The following AFF3 variants were observed in gnomAD, a reference collection of about 807,000 sequenced individuals.
AFF3 encodes ALF transcription elongation factor 3.
AFF3 carries 32 observed loss-of-function variants against 129.7 expected under a neutral mutation model. The observed-to-expected ratio is 0.25, with a 90% confidence interval of 0.19 to 0.33. The LOEUF is 0.33. Among genes scored for constraint, AFF3 ranks in the 10% least tolerant of loss-of-function variants. The pLI is 1.00. For missense variants in AFF3, 1,373 were observed against 1,592.0 expected (o/e 0.86, Z 2.34); for synonymous variants, 644 against 635.4 (o/e 1.01, Z -0.20).
chr2:99,956,174 A>G (rs935338552), intron 7 of AFF3, among the ~76,000 whole-genome samples: 12 of 152,028 alleles, frequency 7.9e-5, no homozygotes, highest in African/African-American at 2.7e-4. Context: ...TTTTAGTCCA[A>G]AGATACCCCT....
At chr2:99,994,597 C>T (rs1680662704) in intron 7 of AFF3, among the ~76,000 whole-genome samples, 3 of 151,980 alleles carry the variant, frequency 2.0e-5, no homozygotes, top group African/African-American at 7.3e-5. Flanking sequence ...AGATTATTAT[C>T]ATTTTTTAAT....
chr2:99,797,125 A>G (rs1558860061), intron 8 of AFF3, among the ~76,000 whole-genome samples: 1 of 152,208 alleles, frequency 6.6e-6, no homozygotes, highest in Non-Finnish European at 1.5e-5. Context: ...AGTGCAACCC[A>G]TAGTGAGAAA....
chr2:99,871,878 T>C (rs987254673), intron 7 of AFF3, among the ~76,000 whole-genome samples: 1 of 152,066 alleles, frequency 6.6e-6, no homozygotes, highest in Non-Finnish European at 1.5e-5. Context: ...AATTTGTACA[T>C]GCATCCTGCC....
At chr2:100,040,411 AC>A (rs1416396663) in intron 4 of AFF3, among the ~76,000 whole-genome samples, 1 of 152,208 alleles carries the variant, frequency 6.6e-6, no homozygotes, top group East Asian at 1.9e-4. Context: ...TGGCCAATAT[AC>A]ATCATTGAGT....
intron 8 of AFF3, among the ~76,000 whole-genome samples, chr2:99,757,573 T>C (rs567706418): frequency 2.0e-4 from 31 of 152,330 alleles, no homozygotes; most frequent in African/African-American, 6.7e-4. Context: ...TCTTACTTTA[T>C]AGATGAGGAA....
intron 13 of AFF3, among the ~76,000 whole-genome samples, chr2:99,628,130 A>G (rs1341141736): frequency 1.3e-5 from 2 of 152,206 alleles, no homozygotes; most frequent in Non-Finnish European, 2.9e-5. Context: ...AATGGGAATA[A>G]CACTGAATCT....
At chr2:99,652,235 C>G (rs182343279) in intron 12 of AFF3, among the ~76,000 whole-genome samples, 43 of 152,248 alleles carry the variant, frequency 2.8e-4, no homozygotes, top group Non-Finnish European at 5.9e-4. Flanking sequence ...GACGGCACAG[C>G]AGGGGCCTGT....
intron 7 of AFF3, among the ~76,000 whole-genome samples, chr2:99,847,333 G>A (rs766497957): frequency 5.3e-5 from 8 of 151,628 alleles, no homozygotes; most frequent in African/African-American, 1.2e-4. Flanking sequence ...CTGCCACCAC[G>A]CCCAGATAAT....
chr2:99,733,271 T>G (rs978431058), intron 10 of AFF3, among the ~76,000 whole-genome samples: 5 of 151,090 alleles, frequency 3.3e-5, no homozygotes, highest in Non-Finnish European at 7.4e-5. Context: ...TCCCAGCTAC[T>G]AGAAAGGCTG....
In AFF3 at chr2:100,137,088, A is replaced by G. The variant is rs190290147; in HGVS notation, c.-228+5396T>C. 4.6e-5 allele frequency among the ~76,000 whole-genome samples: 7 copies of G among 152,336 alleles called. 1 individual carries two copies. The East Asian group carries it at 1.4e-3, about 29-fold the overall frequency. On this transcript the variant is annotated intron_variant, in intron 1 of 24. Coordinates refer to ENST00000672756, the MANE Select transcript of AFF3 (RefSeq NM_001386135.1). ...TATTTTGAATTATTTTACTGCTGAT[A>G]CAAACAGATTGCAACACCTTTATTA... is the stretch of plus-strand genomic sequence containing the variant.
chr2:99,722,613 T>C (rs1015608277), intron 11 of AFF3, among the ~76,000 whole-genome samples: 1 of 152,176 alleles, frequency 6.6e-6, no homozygotes, highest in Non-Finnish European at 1.5e-5. Context: ...AGGCAGTAGC[T>C]GTAGGCAGTA....
chr2:99,583,063 C>T (rs1427911628), intron 16 of AFF3, 64 bp from the exon 17 acceptor site: 29 of 1,518,926 alleles, frequency 1.9e-5, no homozygotes, highest in Non-Finnish European at 2.5e-5. Context: ...TAAATGTTTT[C>T]ATATGACCCA....
At chr2:100,000,121 C>G (rs1681244705) in intron 7 of AFF3, among the ~76,000 whole-genome samples, 1 of 152,156 alleles carries the variant, frequency 6.6e-6, no homozygotes, top group African/African-American at 2.4e-5. Flanking sequence ...CTGCTCAGCC[C>G]AATTAAACAC....
Position 99,564,243 on chromosome 2 carries a change from C to T in AFF3, c.3119+1244G>A, listed in dbSNP as rs552236441. Among the ~76,000 whole-genome samples the T allele has an allele frequency of 2.0e-3, 301 of 152,326 alleles. 1 individual carries two copies. Among genetic ancestry groups the T allele is most frequent in the African/African-American group, 7.0e-3 (292 of 41,572 alleles). On this transcript the variant is annotated intron_variant, in intron 20 of 24. Transcript: ENST00000672756. ...CAAAAAACTCCCTGTGCTCAAGGTA[C>T]TCACACTCTAGGGCATCTTCCAGCT...
At chr2:99,913,791 G>A (rs1695267369) in intron 7 of AFF3, among the ~76,000 whole-genome samples, 3 of 151,800 alleles carry the variant, frequency 2.0e-5, no homozygotes, top group Admixed American at 6.6e-5. Context: ...AACTTGAAGG[G>A]GATCCCATTG....
At chr2:99,649,562 C>G in intron 13 of AFF3, 64 bp downstream of exon 13, 2 of 1,529,762 alleles carry the variant, frequency 1.3e-6, no homozygotes, top group Non-Finnish European at 1.8e-6. Flanking sequence ...AATTATATGC[C>G]ACAATAAATA....
At chr2:100,132,945 T>G (rs1692483146) in intron 1 of AFF3, among the ~76,000 whole-genome samples, 1 of 151,792 alleles carries the variant, frequency 6.6e-6, no homozygotes, top group Non-Finnish European at 1.5e-5. Context: ...TTTTTTTTTT[T>G]TAGATACGGG....
At chr2:99,949,601 A>G (rs758360544) in intron 7 of AFF3, among the ~76,000 whole-genome samples, 10 of 152,120 alleles carry the variant, frequency 6.6e-5, no homozygotes, top group African/African-American at 9.7e-5. Context: ...GTGGCAGATC[A>G]TCAGGCATTA....
intron 4 of AFF3, among the ~76,000 whole-genome samples, chr2:100,030,338 C>T (rs889019210): frequency 2.0e-5 from 3 of 151,864 alleles, no homozygotes; most frequent in Non-Finnish European, 2.9e-5. Flanking sequence ...AACGAGATAC[C>T]GCTACACACC....
Sources: gnomAD v4.1 joint callset for allele counts (sites outside exome capture counted in the v4.1 genomes callset) on GRCh38, gnomAD v4.1.1 for gene constraint, MANE v1.5 for transcripts, NCBI Gene and HGNC (gene_info 2026-07-23, HGNC 2026-07-21) for gene names.